SPAG16: variants seen among roughly 807,000 people sequenced by gnomAD.
SPAG16 encodes sperm-associated antigen 16 protein.
In SPAG16, 86 loss-of-function variants were observed where a neutral mutation model predicts 80.4. The ratio of observed to expected loss-of-function variants is 1.07; its 90% CI spans 0.90 to 1.28. The LOEUF is 1.28. Among genes scored for constraint, SPAG16 ranks in the 50% most tolerant of loss-of-function variants. The pLI, the probability that SPAG16 is intolerant of heterozygous loss-of-function variation, is 0.00. For synonymous variants in SPAG16, 294 were observed against 265.9 expected (o/e 1.11, Z -1.03); for missense variants, 870 against 765.3 (o/e 1.14, Z -1.61).
intron 10 of SPAG16, among the ~76,000 whole-genome samples, chr2:213,728,876 C>CAAAAAAAAAAAAAAAAAAAAAAAAAAA (rs58070679): frequency 8.6e-5 from 5 of 58,456 alleles, no homozygotes; most frequent in Non-Finnish European, 1.4e-4. Context: ...GACTCCGTCT[C>CAAAAAAAAAAAAAAAAAAAAAAAAAAA]AAAAAAAAAA....
intron 9 of SPAG16, among the ~76,000 whole-genome samples, chr2:213,389,338 C>G (rs934777972): frequency 1.3e-5 from 2 of 152,008 alleles, no homozygotes; most frequent in African/African-American, 4.8e-5. Flanking sequence ...ACAAAAGTAT[C>G]ATGGCATTGA....
chr2:213,718,978 C>T (rs1178606721), intron 10 of SPAG16, among the ~76,000 whole-genome samples: 2 of 152,206 alleles, frequency 1.3e-5, no homozygotes, highest in Non-Finnish European at 1.5e-5. Flanking sequence ...GACGTGGAGT[C>T]TTTATATCTA....
chr2:214,291,540 C>G (rs1693805116), intron 15 of SPAG16, among the ~76,000 whole-genome samples: 1 of 151,556 alleles, frequency 6.6e-6, no homozygotes. Flanking sequence ...CTCCTGACCT[C>G]GTGATCCGCC....
intron 15 of SPAG16, among the ~76,000 whole-genome samples, chr2:214,361,908 T>G (rs893997328): frequency 6.6e-6 from 1 of 151,930 alleles, no homozygotes; most frequent in Non-Finnish European, 1.5e-5. Flanking sequence ...GTTTTATTGT[T>G]GATATCTTAT....
intron 15 of SPAG16, among the ~76,000 whole-genome samples, chr2:214,179,719 C>T (rs1021194545): frequency 6.6e-6 from 1 of 151,350 alleles, no homozygotes; most frequent in South Asian, 2.1e-4. Context: ...TTCTTGTGGA[C>T]AATAACTATC....
chr2:213,997,133 T>G (rs770337034), intron 12 of SPAG16, among the ~76,000 whole-genome samples: 20 of 152,180 alleles, frequency 1.3e-4, no homozygotes, highest in Admixed American at 3.9e-4. Context: ...AAGCTAGGTT[T>G]AATTTTCTTC....
intron 11 of SPAG16, among the ~76,000 whole-genome samples, chr2:213,889,616 A>AT (rs1559555619): frequency 4.7e-5 from 7 of 149,032 alleles, no homozygotes; most frequent in Admixed American, 2.0e-4. Flanking sequence ...ACACACACAA[A>AT]ATATATATAT....
chr2:213,980,712 G>GTGTGTATATATATATATATATATATATA (rs1469351640), intron 12 of SPAG16, among the ~76,000 whole-genome samples: 3 of 114,004 alleles, frequency 2.6e-5, no homozygotes, highest in African/African-American at 1.2e-4. Context: ...GTGTGTGTGT[G>GTGTGTATATATATATATATATATATATA]TATATATATA....
At chr2:213,638,586 G>T (rs1386281101) in intron 10 of SPAG16, among the ~76,000 whole-genome samples, 2 of 151,916 alleles carry the variant, frequency 1.3e-5, no homozygotes, top group Admixed American at 1.3e-4. Flanking sequence ...TTCCAATTTT[G>T]TCCCATTGTG....
intron 9 of SPAG16, among the ~76,000 whole-genome samples, chr2:213,482,176 A>G (rs1368356586): frequency 1.3e-5 from 2 of 152,242 alleles, no homozygotes; most frequent in Admixed American, 1.3e-4. Context: ...ATCACTGAGG[A>G]CCACAGGCTG....
chr2:213,490,954 AT>A (rs1032886116), intron 10 of SPAG16, among the ~76,000 whole-genome samples: 5 of 151,268 alleles, frequency 3.3e-5, no homozygotes, highest in Non-Finnish European at 4.4e-5. Context: ...TATAGTGAGT[AT>A]TTTTTTTTCA....
chr2:213,310,334 ACACACACACAC>A (rs2063133229), intron 4 of SPAG16, among the ~76,000 whole-genome samples, 157 bp downstream of exon 4: 1 of 69,036 alleles, frequency 1.4e-5, no homozygotes, highest in Admixed American at 1.3e-4. Context: ...ACACACACAC[ACACACACACAC>A]ACACACACAC....
chr2:214,248,358 G>A (rs756556753), intron 15 of SPAG16, among the ~76,000 whole-genome samples: 7 of 149,538 alleles, frequency 4.7e-5, no homozygotes, highest in Admixed American at 1.3e-4. Context: ...TTGCTGTGTC[G>A]CCAGGCTGGA....
intron 15 of SPAG16, among the ~76,000 whole-genome samples, chr2:214,367,430 A>G (rs1469349152): frequency 6.6e-6 from 1 of 152,220 alleles, no homozygotes; most frequent in Non-Finnish European, 1.5e-5. Context: ...GAAGAGTTTC[A>G]TAACATTAAA....
intron 10 of SPAG16, among the ~76,000 whole-genome samples, chr2:213,802,789 TTCTG>T (rs1265051509): frequency 1.3e-5 from 2 of 152,178 alleles, no homozygotes; most frequent in African/African-American, 4.8e-5. Flanking sequence ...AAACTCTAAC[TTCTG>T]TCTCTCTCTT....
At chr2:214,201,620 T>C (rs2058011937) in intron 15 of SPAG16, among the ~76,000 whole-genome samples, 2 of 152,184 alleles carry the variant, frequency 1.3e-5, no homozygotes, top group African/African-American at 4.8e-5. Flanking sequence ...GCTACTGAGG[T>C]CATATGCTAG....
At chr2:213,636,229 T>C (rs1185195249) in intron 10 of SPAG16, among the ~76,000 whole-genome samples, 1 of 152,224 alleles carries the variant, frequency 6.6e-6, no homozygotes, top group African/African-American at 2.4e-5. Flanking sequence ...CTTTATATTT[T>C]TGTTTGCTTT....
chr2:213,990,915 A>T (rs2046247154), intron 12 of SPAG16, among the ~76,000 whole-genome samples: 1 of 152,156 alleles, frequency 6.6e-6, no homozygotes, highest in African/African-American at 2.4e-5. Flanking sequence ...AACTTGACTG[A>T]TGGAAACAGC....
intron 15 of SPAG16, among the ~76,000 whole-genome samples, chr2:214,370,990 T>G (rs1278707665): frequency 6.6e-6 from 1 of 152,142 alleles, no homozygotes; most frequent in Non-Finnish European, 1.5e-5. Context: ...TTCCAGGCTT[T>G]TAGTCCCCAT....
Sources: gnomAD v4.1 joint callset for allele counts (sites outside exome capture counted in the v4.1 genomes callset) on GRCh38, gnomAD v4.1.1 for gene constraint, MANE v1.5 for transcripts, NCBI Gene and HGNC (gene_info 2026-07-23, HGNC 2026-07-21) for gene names.